Variants in CLDN10 observed in about 807,000 individuals in gnomAD.
CLDN10 encodes the protein claudin-10.
In CLDN10, 15 loss-of-function variants were observed where a neutral mutation model predicts 22.9. That is an observed-to-expected ratio of 0.65 (90% confidence interval 0.44 to 1.01). The LOEUF is 1.01. CLDN10 is among the 50% of genes least tolerant of loss of function. CLDN10 has a pLI of 0.00. For missense variants in CLDN10, 247 were observed against 287.8 expected, an observed-to-expected ratio of 0.86 and a Z score of 1.03; for synonymous variants, 114 against 111.4, an observed-to-expected ratio of 1.02 and a Z score of -0.15.
At chr13:95,477,772 C>A (rs546374334) in intron 1 of CLDN10, among the ~76,000 whole-genome samples, 1 of 152,294 alleles carries the variant, frequency 6.6e-6, no homozygotes, top group Non-Finnish European at 1.5e-5. Context: ...GAATCTGAAT[C>A]TGCAACACCC....
Position 95,537,151 on chromosome 13 carries a change from A to C in CLDN10, c.215-22981A>C, listed in dbSNP as rs2043408867. On this transcript the variant is annotated intron_variant, in intron 1 of 4. Transcript: ENST00000376873. Reference sequence around the variant, plus strand: ...TTAAAATTAAACATTAAGTGGGGGAAAAGAAAACCTCTCTGTTTACAATCT... The same window carrying C: ...TTAAAATTAAACATTAAGTGGGGGACAAGAAAACCTCTCTGTTTACAATCT... Among the ~76,000 whole-genome samples, 4 of 152,358 alleles carry C rather than the reference A, an allele frequency of 2.6e-5. No individual in the cohort carries two copies. The South Asian group carries it at 8.3e-4, about 32-fold the overall frequency.
At chr13:95,565,500 CA>C in intron 3 of CLDN10, among the ~76,000 whole-genome samples, 1 of 152,272 alleles carries the variant, frequency 6.6e-6, no homozygotes. Flanking sequence ...CCAGACTTTT[CA>C]AAATCATGTC....
chr13:95,504,231 G>T (rs2043014581), intron 1 of CLDN10, among the ~76,000 whole-genome samples: 2 of 152,104 alleles, frequency 1.3e-5, no homozygotes, highest in Admixed American at 1.3e-4. Context: ...CTATATATGG[G>T]CATATTTATG....
intron 1 of CLDN10, among the ~76,000 whole-genome samples, chr13:95,466,461 T>C (rs1021533439): frequency 1.3e-5 from 2 of 152,208 alleles, no homozygotes; most frequent in Non-Finnish European, 1.5e-5. Context: ...TGAGAACCCA[T>C]TGGAGCTTGA....
At chr13:95,485,167 G>A (rs112944570) in intron 1 of CLDN10, among the ~76,000 whole-genome samples, 4,929 of 152,216 alleles carry the variant, frequency 0.032, 117 homozygotes, top group Middle Eastern at 0.072. Context: ...GTGGGAGGCA[G>A]GCTTTGTAGT....
chr13:95,438,286 G>A (rs1453437291), intron 1 of CLDN10, among the ~76,000 whole-genome samples: 1 of 152,172 alleles, frequency 6.6e-6, no homozygotes, highest in African/African-American at 2.4e-5. Flanking sequence ...GCTGGACATG[G>A]TAAAGACAGG....
At chr13:95,529,146 A>C (rs1461480346) in intron 1 of CLDN10, among the ~76,000 whole-genome samples, 1 of 152,066 alleles carries the variant, frequency 6.6e-6, no homozygotes, top group Non-Finnish European at 1.5e-5. Flanking sequence ...ATATGGAGGC[A>C]TGCTGTTACC....
intron 1 of CLDN10, among the ~76,000 whole-genome samples, chr13:95,499,091 T>C (rs1264842170): frequency 1.3e-5 from 2 of 152,254 alleles, no homozygotes; most frequent in Non-Finnish European, 1.5e-5. Flanking sequence ...TTCCATCGTA[T>C]GGATAGGCCA....
At chr13:95,552,655 G>A, upstream of CLDN10, 1 of 1,381,510 alleles carries the variant, frequency 7.2e-7, no homozygotes, top group Non-Finnish European at 9.5e-7. Flanking sequence ...GGGGACGGTG[G>A]GCGGAGGCGG....
intron 1 of CLDN10, among the ~76,000 whole-genome samples, chr13:95,506,394 T>A: frequency 6.6e-6 from 1 of 152,172 alleles, no homozygotes; most frequent in East Asian, 1.9e-4. Context: ...AGAACAAATG[T>A]GTAATTCCGC....
chr13:95,558,883 C>A (rs534065688), intron 1 of CLDN10, among the ~76,000 whole-genome samples: 10 of 152,180 alleles, frequency 6.6e-5, no homozygotes, highest in African/African-American at 2.4e-4. Context: ...TATGATTATG[C>A]CACTTCCCTC....
chr13:95,552,043 T>A (rs1257480595), upstream of CLDN10, among the ~76,000 whole-genome samples: 4 of 152,194 alleles, frequency 2.6e-5, no homozygotes, highest in Non-Finnish European at 5.9e-5. Flanking sequence ...ACCAGCAAGA[T>A]CAAGATCGTC....
chr13:95,516,829 A>C (rs567395728), intron 1 of CLDN10, among the ~76,000 whole-genome samples: 25 of 152,220 alleles, frequency 1.6e-4, no homozygotes, highest in African/African-American at 6.0e-4. Flanking sequence ...TGCTCTATAA[A>C]CCAAAAATTT....
chr13:95,524,056 C>T (rs2043249890), intron 1 of CLDN10, among the ~76,000 whole-genome samples: 1 of 149,204 alleles, frequency 6.7e-6, no homozygotes, highest in South Asian at 2.1e-4. Context: ...GAAAAGTAAG[C>T]TATATGTCCA....
chr13:95,451,540 C>T (rs2042431899), intron 1 of CLDN10, among the ~76,000 whole-genome samples: 1 of 152,216 alleles, frequency 6.6e-6, no homozygotes, highest in South Asian at 2.1e-4. Context: ...AAGCTATCCT[C>T]CTGCCTCGGC....
intron 1 of CLDN10, among the ~76,000 whole-genome samples, chr13:95,460,575 G>A (rs559046265): frequency 7.9e-5 from 12 of 152,242 alleles, no homozygotes; most frequent in South Asian, 4.2e-4. Flanking sequence ...CAAGAACAGC[G>A]TGGGGAAAAC....
intron 1 of CLDN10, among the ~76,000 whole-genome samples, chr13:95,436,091 A>C (rs1374127298): frequency 6.6e-6 from 1 of 152,220 alleles, no homozygotes; most frequent in African/African-American, 2.4e-5. Context: ...TACCTTTTAC[A>C]TGACTTCAAC....
At chr13:95,480,061 A>T (rs960980621) in intron 1 of CLDN10, 1 of 116,956 alleles carries the variant, frequency 8.6e-6, no homozygotes, top group African/African-American at 3.1e-5. Flanking sequence ...ATCATGGTGG[A>T]AGGTGAAGGA....
At position 95,467,036 on chromosome 13, in the gene CLDN10, C is replaced by CT. The variant is rs554932831; in HGVS notation, c.214+32989_214+32990insT. On this transcript the variant is annotated intron_variant, in intron 1 of 4. Coordinates refer to the CLDN10 transcript ENST00000376873. ...GGACTACAGGCGCCTGCCACCATGC[C>CT]CGTTTTTTTTTTTTGTATTTTTAGC... Among the ~76,000 whole-genome samples, 529 of 101,190 alleles carry CT rather than the reference C, an allele frequency of 5.2e-3. 7 individuals carry two copies. The highest frequency in any genetic ancestry group is 0.02 in the African/African-American group (496 of 24,976). The allele number at this position is 101,190 out of a possible 152,430, so 66.4% of individuals were successfully genotyped here.
Sources: gnomAD v4.1 joint callset for allele counts (sites outside exome capture counted in the v4.1 genomes callset) on GRCh38, gnomAD v4.1.1 for gene constraint, MANE v1.5 for transcripts, NCBI Gene and HGNC (gene_info 2026-07-23, HGNC 2026-07-21) for gene names.